SLCO1A2: variants seen among roughly 807,000 people sequenced by gnomAD.
SLCO1A2 encodes OATP-1.
A neutral mutation model predicts 69.0 loss-of-function variants in SLCO1A2; 67 were observed. That is an observed-to-expected ratio of 0.97 (90% CI 0.80 to 1.19). SLCO1A2 has a LOEUF of 1.19. Ranked by LOEUF, SLCO1A2 falls within the 50% of genes most tolerant of loss-of-function variation. The pLI, the probability that SLCO1A2 is intolerant of heterozygous loss-of-function variation, is 0.00. For synonymous variants in SLCO1A2, 260 were observed against 265.9 expected (o/e 0.98, Z 0.22); for missense variants, 787 against 793.7 (o/e 0.99, Z 0.10).
intron 10 of SLCO1A2, chr12:21,295,260 T>G (rs1469300991): frequency 5.1e-6 from 1 of 194,738 alleles, no homozygotes; most frequent in African/African-American, 2.4e-5. Context: ...GAGTATAAGA[T>G]ATATGGATAA....
chr12:21,318,414 C>T lies in SLCO1A2; in HGVS notation c.202+368G>A, dbSNP rs112778903. ...GAGTACAGGCATGAGCCACCTCGCC[C>T]GGCGGTCTTCTACCTTTGTATCTTC... On this transcript the variant is annotated intron_variant, in intron 3 of 14. Coordinates refer to ENST00000683939, the MANE Select transcript of SLCO1A2 (RefSeq NM_001386879.1). Among the ~76,000 whole-genome samples, 417 of 152,210 alleles carry T rather than the reference C, an allele frequency of 2.7e-3. 2 individuals carry two copies. Among genetic ancestry groups the T allele is most frequent in the African/African-American group, 8.9e-3 (371 of 41,526 alleles).
intron 12 of SLCO1A2, among the ~76,000 whole-genome samples, chr12:21,289,276 G>A (rs2136279040): frequency 6.6e-6 from 1 of 151,330 alleles, no homozygotes; most frequent in East Asian, 2.0e-4. Context: ...TCTGACACGT[G>A]TCCTTGGAGT....
chr12:21,275,034 A>C, intron 13 of SLCO1A2: 1 of 1,019,396 alleles, frequency 9.8e-7, no homozygotes, highest in Non-Finnish European at 1.2e-6. Flanking sequence ...TTTTACATAC[A>C]GAAGGGACAT....
chr12:21,342,237 A>C (rs746948399), intron 2 of SLCO1A2, among the ~76,000 whole-genome samples: 4 of 152,006 alleles, frequency 2.6e-5, no homozygotes, highest in Non-Finnish European at 4.4e-5. Flanking sequence ...TCATTCACCT[A>C]TTCAAAATAT....
chr12:21,395,746 C>G (rs955969097), upstream of SLCO1A2, among the ~76,000 whole-genome samples: 112 of 151,624 alleles, frequency 7.4e-4, 3 homozygotes, highest in South Asian at 0.018. Context: ...CTGGGAGGCA[C>G]CCCCCAGCAG....
intron 12 of SLCO1A2, among the ~76,000 whole-genome samples, chr12:21,290,631 C>G (rs1399074976): frequency 6.6e-6 from 1 of 152,016 alleles, no homozygotes; most frequent in African/African-American, 2.4e-5. Flanking sequence ...ATCTATGTCC[C>G]TTAAACCACA....
At chr12:21,395,709 C>T (rs1044184830), upstream of SLCO1A2, among the ~76,000 whole-genome samples, 24 of 152,278 alleles carry the variant, frequency 1.6e-4, no homozygotes, top group African/African-American at 5.3e-4. Flanking sequence ...AAGTGGGTCC[C>T]TGACCCCTGA....
intron 1 of SLCO1A2, chr12:21,374,529 C>T (rs926674578): frequency 2.6e-5 from 4 of 152,132 alleles, no homozygotes; most frequent in African/African-American, 9.7e-5. Flanking sequence ...ACAGCACCTA[C>T]GTATAATAAA....
chr12:21,281,467 A>G (rs1307429926), intron 12 of SLCO1A2, among the ~76,000 whole-genome samples: 1 of 152,086 alleles, frequency 6.6e-6, no homozygotes, highest in Non-Finnish European at 1.5e-5. Context: ...AAAGAAAAGA[A>G]AAAAAACCAA....
intron 4 of SLCO1A2, among the ~76,000 whole-genome samples, chr12:21,308,737 C>T (rs551393956): frequency 6.6e-6 from 1 of 152,328 alleles, no homozygotes; most frequent in South Asian, 2.1e-4. Context: ...AACAGGTTAT[C>T]TGCAATTCTG....
At chr12:21,298,707 T>C (rs2136395408) in intron 8 of SLCO1A2, among the ~76,000 whole-genome samples, 1 of 152,274 alleles carries the variant, frequency 6.6e-6, no homozygotes, top group African/African-American at 2.4e-5. Flanking sequence ...AGCACAAGTT[T>C]CTTTTCTATG....
chr12:21,366,130 C>G (rs956839861), intron 2 of SLCO1A2, among the ~76,000 whole-genome samples: 34 of 152,242 alleles, frequency 2.2e-4, no homozygotes, highest in Admixed American at 2.1e-3. Flanking sequence ...TTCACAACAG[C>G]AAAGACTTGG....
At chr12:21,307,530 A>C (rs1293410663) in intron 4 of SLCO1A2, among the ~76,000 whole-genome samples, 1 of 152,194 alleles carries the variant, frequency 6.6e-6, no homozygotes, top group Non-Finnish European at 1.5e-5. Flanking sequence ...CCTTAAGAGA[A>C]TCTCAATCAC....
At chr12:21,411,848 T>C (rs1239659361) in intron 1 of SLCO1A2, among the ~76,000 whole-genome samples, 1 of 151,962 alleles carries the variant, frequency 6.6e-6, no homozygotes, top group Non-Finnish European at 1.5e-5. Context: ...CACGCCCAGC[T>C]AATTTTTTGC....
At chr12:21,417,403 C>T (rs1316659440) in intron 1 of SLCO1A2, among the ~76,000 whole-genome samples, 8 of 148,696 alleles carry the variant, frequency 5.4e-5, no homozygotes, top group Non-Finnish European at 8.9e-5. Flanking sequence ...TTTTAAGTTA[C>T]ATCTTTCATA....
intron 1 of SLCO1A2, among the ~76,000 whole-genome samples, chr12:21,386,708 G>T (rs1940899470): frequency 6.6e-6 from 1 of 151,918 alleles, no homozygotes; most frequent in South Asian, 2.1e-4. Context: ...GTATGAAAAT[G>T]GACTAAAGCA....
intron 12 of SLCO1A2, among the ~76,000 whole-genome samples, chr12:21,288,152 T>G (rs983772193): frequency 6.6e-6 from 1 of 151,768 alleles, no homozygotes; most frequent in Non-Finnish European, 1.5e-5. Context: ...GAGCTAAAAA[T>G]GAGAACAGGC....
intron 1 of SLCO1A2, among the ~76,000 whole-genome samples, chr12:21,383,206 T>C (rs967621805): frequency 6.6e-6 from 1 of 152,184 alleles, no homozygotes. Flanking sequence ...ACTAAATATT[T>C]CCAACACTGA....
At chr12:21,414,339 C>T (rs192068406) in intron 1 of SLCO1A2, among the ~76,000 whole-genome samples, 93 of 151,080 alleles carry the variant, frequency 6.2e-4, no homozygotes, top group Admixed American at 1.1e-3. Flanking sequence ...AAGTTTCTCT[C>T]GAAGTACATG....
Sources: allele counts gnomAD v4.1 joint callset (sites outside exome capture counted in the v4.1 genomes callset), GRCh38; gene constraint gnomAD v4.1.1; transcripts MANE v1.5; gene names NCBI Gene and HGNC (gene_info 2026-07-23, HGNC 2026-07-21).